Variants in DACH2 observed in about 807,000 individuals in gnomAD.
The protein encoded by DACH2 is dachshund family transcription factor 2.
A neutral mutation model predicts 35.8 loss-of-function variants in DACH2; 17 were observed. The ratio of observed to expected loss-of-function variants is 0.48; its 90% CI spans 0.33 to 0.71. The LOEUF (loss-of-function observed/expected upper bound fraction) is 0.71. DACH2 is among the 30% of genes least tolerant of loss of function. The probability of loss-of-function intolerance (pLI) is 0.02; values close to 1 mark genes in which losing one functional copy is unlikely to be tolerated. For missense variants in DACH2, 469 were observed against 472.7 expected (o/e 0.99, Z 0.07); for synonymous variants, 195 against 177.3 (o/e 1.10, Z -0.79).
intron 1 of DACH2, among the ~76,000 whole-genome samples, chrX:86,216,543 C>T (rs146883892): frequency 0.025 from 2,736 of 110,972 alleles, 87 homozygotes; most frequent in African/African-American, 0.085. Context: ...ATGAACTCGT[C>T]CTTTTTTATG....
intron 7 of DACH2, among the ~76,000 whole-genome samples, chrX:86,810,620 A>G (rs1716185677): frequency 8.9e-6 from 1 of 111,921 alleles, no homozygotes; most frequent in Non-Finnish European, 1.9e-5. Context: ...AAGAAAAAAT[A>G]CTACTTAAAT....
chrX:86,623,065 C>T (rs1456438650), intron 3 of DACH2, among the ~76,000 whole-genome samples: 2 of 111,548 alleles, frequency 1.8e-5, no homozygotes, highest in South Asian at 7.5e-4. Context: ...TACTGCCCAC[C>T]TGGGAAAGAC....
chrX:86,662,680 C>A (rs2040619912), intron 4 of DACH2, among the ~76,000 whole-genome samples: 1 of 111,363 alleles, frequency 9.0e-6, no homozygotes, highest in Admixed American at 9.5e-5. Flanking sequence ...GAAGAAAAAG[C>A]AAATTCTGGG....
chrX:86,442,267 C>T (rs2037176316), intron 2 of DACH2, among the ~76,000 whole-genome samples: 1 of 102,179 alleles, frequency 9.8e-6, no homozygotes, highest in Non-Finnish European at 2.0e-5. Flanking sequence ...TGATGCAGAA[C>T]ATTTTTTTTT....
At chrX:86,776,749 C>T (rs1454001048) in intron 7 of DACH2, among the ~76,000 whole-genome samples, 1 of 110,843 alleles carries the variant, frequency 9.0e-6, no homozygotes, top group Non-Finnish European at 1.9e-5. Context: ...CCCTCCACCC[C>T]ACAACAGGGC....
intron 1 of DACH2, among the ~76,000 whole-genome samples, chrX:86,336,653 C>A (rs1602417143): frequency 9.0e-6 from 1 of 110,964 alleles, no homozygotes; most frequent in African/African-American, 3.3e-5. Flanking sequence ...TTCTAAAAAC[C>A]AGAATGCCTC....
intron 3 of DACH2, among the ~76,000 whole-genome samples, chrX:86,590,294 C>A (rs2039627133): frequency 8.9e-6 from 1 of 112,053 alleles, no homozygotes; most frequent in South Asian, 3.7e-4. Flanking sequence ...TCTTCCTCCC[C>A]CAGCCTTCCA....
At chrX:86,758,084 T>G (rs1351006014) in intron 7 of DACH2, among the ~76,000 whole-genome samples, 1 of 112,103 alleles carries the variant, frequency 8.9e-6, no homozygotes, top group African/African-American at 3.2e-5. Context: ...TATTTTATAT[T>G]TCTACATTCT....
intron 2 of DACH2, among the ~76,000 whole-genome samples, chrX:86,474,945 G>T (rs1379952454): frequency 9.0e-6 from 1 of 111,112 alleles, no homozygotes; most frequent in Non-Finnish European, 1.9e-5. Flanking sequence ...TGTTGGCCAG[G>T]CTGGTCTCAA....
chrX:86,536,271 C>A (rs950759137), intron 3 of DACH2, among the ~76,000 whole-genome samples: 1 of 111,859 alleles, frequency 8.9e-6, no homozygotes. Flanking sequence ...AGTTTCACAG[C>A]TTTCTGAGCC....
chrX:86,148,519 G>A lies in DACH2; in HGVS notation c.-102G>A. ...CGAACAGTTCGGAGCCAGCGAGAGC[G>A]CGCCAGAGAGAGCGAGAGTGAGGGA... On this transcript the variant is annotated 5_prime_UTR_variant, in exon 1 of 12. Coordinates refer to ENST00000373125, the MANE Select transcript of DACH2 (RefSeq NM_053281.3). 2.1e-6 allele frequency: 2 copies of A among 952,001 alleles called. No homozygotes were observed. The highest frequency in any genetic ancestry group is 3.8e-5 in the Admixed American group (1 of 26,336). The allele number at this position is 952,001 out of a possible 1,213,427, so 78.5% of individuals were successfully genotyped here.
At chrX:86,631,171 C>T (rs1415629969) in intron 3 of DACH2, among the ~76,000 whole-genome samples, 1 of 111,632 alleles carries the variant, frequency 9.0e-6, no homozygotes, top group Non-Finnish European at 1.9e-5. Context: ...ACTTAAGAAC[C>T]ACCGGAATTT....
intron 11 of DACH2, among the ~76,000 whole-genome samples, chrX:86,820,173 ATTTG>A (rs1236214597): frequency 8.9e-6 from 1 of 111,810 alleles, no homozygotes; most frequent in Non-Finnish European, 1.9e-5. Context: ...CTGCCACTGC[ATTTG>A]TTTGGGGAAA....
chrX:86,489,250 A>G (rs2038061566), intron 2 of DACH2, among the ~76,000 whole-genome samples: 1 of 110,633 alleles, frequency 9.0e-6, no homozygotes, highest in Non-Finnish European at 1.9e-5. Flanking sequence ...TGGACTTTGT[A>G]TCTAGTAGAT....
intron 3 of DACH2, among the ~76,000 whole-genome samples, chrX:86,582,565 C>A (rs1444220086): frequency 9.0e-6 from 1 of 110,581 alleles, no homozygotes; most frequent in East Asian, 2.8e-4. Context: ...CAAAAACCCT[C>A]AGATACTACT....
intron 1 of DACH2, among the ~76,000 whole-genome samples, chrX:86,250,849 T>C (rs761825089): frequency 4.5e-5 from 5 of 111,648 alleles, no homozygotes; most frequent in Non-Finnish European, 7.6e-5. Context: ...CATCTGCTTT[T>C]AAAGGTAAGT....
chrX:86,624,869 G>A (rs1033169517), intron 3 of DACH2, among the ~76,000 whole-genome samples: 7 of 110,928 alleles, frequency 6.3e-5, no homozygotes, highest in African/African-American at 1.3e-4. Context: ...GCATTGTGCT[G>A]GGCCAACCCA....
At chrX:86,347,896 C>T (rs2035524126) in intron 1 of DACH2, among the ~76,000 whole-genome samples, 1 of 112,017 alleles carries the variant, frequency 8.9e-6, no homozygotes, top group South Asian at 3.7e-4. Context: ...AGTTCCTTAT[C>T]ATTTATAAAC....
chrX:86,317,602 C>G (rs1421305249), intron 1 of DACH2, among the ~76,000 whole-genome samples: 1 of 112,162 alleles, frequency 8.9e-6, no homozygotes, highest in Non-Finnish European at 1.9e-5. Context: ...TAGGACTGAG[C>G]TGTTTGCAAA....
Sources: gnomAD v4.1 joint callset for allele counts (sites outside exome capture counted in the v4.1 genomes callset) on GRCh38, gnomAD v4.1.1 for gene constraint, MANE v1.5 for transcripts, NCBI Gene and HGNC (gene_info 2026-07-23, HGNC 2026-07-21) for gene names.